Variants in SGCZ observed in about 807,000 individuals in gnomAD.
SGCZ encodes the protein sarcoglycan zeta.
A neutral mutation model predicts 41.3 loss-of-function variants in SGCZ; 40 were observed. That is an observed-to-expected ratio of 0.97 (90% CI 0.75 to 1.26). The LOEUF is 1.26. SGCZ is among the 50% of genes most tolerant of loss of function. The probability of loss-of-function intolerance (pLI) is 0.00; values close to 1 mark genes in which losing one functional copy is unlikely to be tolerated. For missense variants in SGCZ, 552 were observed against 369.8 expected, an observed-to-expected ratio of 1.49 and a Z score of -4.04; for synonymous variants, 206 against 137.5, an observed-to-expected ratio of 1.50 and a Z score of -3.49.
chr8:14,691,215 T>C (rs1808788442), intron 1 of SGCZ, among the ~76,000 whole-genome samples: 1 of 152,192 alleles, frequency 6.6e-6, no homozygotes, highest in Non-Finnish European at 1.5e-5. Flanking sequence ...AGGCACTCAC[T>C]ATTTGGTGAA....
intron 2 of SGCZ, among the ~76,000 whole-genome samples, chr8:14,351,146 A>G (rs1803076803): frequency 6.6e-6 from 1 of 152,106 alleles, no homozygotes; most frequent in Non-Finnish European, 1.5e-5. Context: ...CAGAAAGTCT[A>G]CCTATGAAAA....
At chr8:14,106,263 A>AGAT (rs1802199509) in intron 6 of SGCZ, among the ~76,000 whole-genome samples, 1 of 152,216 alleles carries the variant, frequency 6.6e-6, no homozygotes, top group African/African-American at 2.4e-5. Context: ...AGGAGAAGAA[A>AGAT]GATACAATAA....
At chr8:14,430,665 C>T (rs1196571562) in intron 2 of SGCZ, among the ~76,000 whole-genome samples, 1 of 152,084 alleles carries the variant, frequency 6.6e-6, no homozygotes, top group African/African-American at 2.4e-5. Context: ...CGCCACTCCT[C>T]TTCAACACAG....
intron 1 of SGCZ, among the ~76,000 whole-genome samples, chr8:14,958,106 G>C (rs1800849677): frequency 1.3e-5 from 2 of 151,732 alleles, no homozygotes; most frequent in Non-Finnish European, 2.9e-5. Flanking sequence ...TAACATGTTG[G>C]GTAGAACCAG....
chr8:14,227,937 T>C (rs1204269771), intron 4 of SGCZ, among the ~76,000 whole-genome samples: 1 of 151,496 alleles, frequency 6.6e-6, no homozygotes, highest in Non-Finnish European at 1.5e-5. Context: ...TCCCCCTAGC[T>C]TCTCTCTCTC....
intron 2 of SGCZ, among the ~76,000 whole-genome samples, chr8:14,548,872 G>C (rs982634549): frequency 9.9e-5 from 15 of 152,084 alleles, no homozygotes; most frequent in Admixed American, 8.5e-4. Context: ...CTTAAATGAA[G>C]AGGTATTTGG....
intron 1 of SGCZ, among the ~76,000 whole-genome samples, chr8:14,557,537 C>T (rs1454037109): frequency 6.6e-6 from 1 of 151,992 alleles, no homozygotes; most frequent in African/African-American, 2.4e-5. Flanking sequence ...ATGTTATCTT[C>T]TAGAATTTTT....
intron 1 of SGCZ, among the ~76,000 whole-genome samples, chr8:15,155,099 C>G (rs1280948745): frequency 6.6e-6 from 1 of 151,910 alleles, no homozygotes; most frequent in African/African-American, 2.4e-5. Flanking sequence ...CGAGACCAGC[C>G]TGGGAAACAT....
chr8:14,867,431 A>G (rs754766013), intron 1 of SGCZ, among the ~76,000 whole-genome samples: 2 of 152,176 alleles, frequency 1.3e-5, no homozygotes, highest in Admixed American at 6.5e-5. Flanking sequence ...ATGTATCTTT[A>G]TAATAGAATG....
chr8:14,972,901 T>C (rs367811655), intron 1 of SGCZ, among the ~76,000 whole-genome samples: 3 of 152,236 alleles, frequency 2.0e-5, no homozygotes, highest in African/African-American at 7.2e-5. Flanking sequence ...TAAAAAATCT[T>C]ATGTATTTAT....
At chr8:14,803,462 G>C (rs1323733529) in intron 1 of SGCZ, among the ~76,000 whole-genome samples, 6 of 152,072 alleles carry the variant, frequency 3.9e-5, no homozygotes, top group Non-Finnish European at 8.8e-5. Flanking sequence ...AAAGAAAGGG[G>C]TGACAGACGG....
At chr8:14,798,065 G>C (rs1455226243) in intron 1 of SGCZ, among the ~76,000 whole-genome samples, 1 of 152,196 alleles carries the variant, frequency 6.6e-6, no homozygotes, top group African/African-American at 2.4e-5. Flanking sequence ...GAAAGGAAAT[G>C]TTGGGGCCCA....
chr8:14,116,324 C>T lies in SGCZ; in HGVS notation c.548-8089G>A, dbSNP rs181421161. ...ATTTTTTAACATAGTGTCTCATGAA[C>T]CACAATTTATTTAGAATTTCCTTCT... is the stretch of plus-strand genomic sequence containing the variant. On this transcript the variant is annotated intron_variant, in intron 5 of 7. Coordinates refer to ENST00000382080, the MANE Select transcript of SGCZ (RefSeq NM_139167.4). Among the ~76,000 whole-genome samples, 525 of 152,072 alleles carry T rather than the reference C, an allele frequency of 3.5e-3. 1 individual carries two copies. The highest frequency in any genetic ancestry group is 5.9e-3 in the Non-Finnish European group (401 of 67,952).
chr8:14,206,026 G>A (rs997660794), intron 4 of SGCZ, among the ~76,000 whole-genome samples: 1 of 152,054 alleles, frequency 6.6e-6, no homozygotes, highest in African/African-American at 2.4e-5. Flanking sequence ...TCTCTGCTAT[G>A]AAATTTAATG....
At chr8:15,177,095 G>A (rs1800022422) in intron 1 of SGCZ, among the ~76,000 whole-genome samples, 1 of 152,190 alleles carries the variant, frequency 6.6e-6, no homozygotes, top group South Asian at 2.1e-4. Context: ...GGAAGAAATT[G>A]TAGATAATTT....
chr8:14,133,654 C>T (rs1267638724), intron 5 of SGCZ, among the ~76,000 whole-genome samples: 3 of 152,098 alleles, frequency 2.0e-5, no homozygotes, highest in Non-Finnish European at 4.4e-5. Context: ...TTTGAAGTCA[C>T]TTTTTTACTA....
chr8:14,643,365 T>C lies in SGCZ; in HGVS notation c.40-88439A>G, dbSNP rs986600778. On this transcript the variant is annotated intron_variant, in intron 1 of 7. Coordinates refer to ENST00000382080, the MANE Select transcript of SGCZ (RefSeq NM_139167.4). ...TTAGAGATATATTTGGATTCATGAA[T>C]ATTATTGTTGTAAATGCAAGTAGCT... 1.3e-5 allele frequency among the ~76,000 whole-genome samples: 2 copies of C among 151,646 alleles called. 1 individual carries two copies. Among genetic ancestry groups the C allele is most frequent in the East Asian group, 3.9e-4 (2 of 5,156 alleles).
chr8:15,157,493 A>G (rs1336605020), intron 1 of SGCZ, among the ~76,000 whole-genome samples: 1 of 135,252 alleles, frequency 7.4e-6, no homozygotes, highest in Non-Finnish European at 1.5e-5. Context: ...AACAACAACA[A>G]TGACAACAAG....
intron 4 of SGCZ, among the ~76,000 whole-genome samples, chr8:14,200,347 T>A (rs1247456163): frequency 6.6e-6 from 1 of 152,154 alleles, no homozygotes. Flanking sequence ...TTTGTAGAGA[T>A]TGAAAGATGA....
Sources: gnomAD v4.1 joint callset for allele counts (sites outside exome capture counted in the v4.1 genomes callset) on GRCh38, gnomAD v4.1.1 for gene constraint, MANE v1.5 for transcripts, NCBI Gene and HGNC (gene_info 2026-07-23, HGNC 2026-07-21) for gene names.